The following PPP3CA variants were observed in gnomAD, a reference collection of about 807,000 sequenced individuals.
The protein encoded by PPP3CA is CAM-PRP catalytic subunit.
In PPP3CA, 14 loss-of-function variants were observed where a neutral mutation model predicts 66.5. The observed-to-expected ratio is 0.21, with a 90% CI of 0.14 to 0.33. The LOEUF is 0.33. Ranked by LOEUF, PPP3CA falls within the 10% of genes least tolerant of loss-of-function variation. The pLI, the probability that PPP3CA is intolerant of heterozygous loss-of-function variation, is 1.00. For synonymous variants in PPP3CA, 232 were observed against 226.2 expected, an observed-to-expected ratio of 1.03 and a Z score of -0.23; for missense variants, 317 against 639.5, an observed-to-expected ratio of 0.50 and a Z score of 5.44.
intron 2 of PPP3CA, among the ~76,000 whole-genome samples, chr4:101,143,282 C>T (rs1722867363): frequency 6.6e-6 from 1 of 152,236 alleles, no homozygotes; most frequent in Admixed American, 6.5e-5. Flanking sequence ...GGATCACACT[C>T]CATCATCAAT....
intron 2 of PPP3CA, among the ~76,000 whole-genome samples, chr4:101,139,436 C>T (rs1213634530): frequency 6.6e-6 from 1 of 151,714 alleles, no homozygotes; most frequent in Non-Finnish European, 1.5e-5. Flanking sequence ...TTAACTCCTA[C>T]TAATGTTCAT....
chr4:101,336,400 T>G (rs1039397755), intron 1 of PPP3CA, among the ~76,000 whole-genome samples: 3 of 148,994 alleles, frequency 2.0e-5, no homozygotes, highest in Non-Finnish European at 4.5e-5. Flanking sequence ...GTGAAACCCA[T>G]CTCTACTAAA....
intron 1 of PPP3CA, among the ~76,000 whole-genome samples, chr4:101,256,146 C>T (rs1197066413): frequency 6.6e-6 from 1 of 151,816 alleles, no homozygotes; most frequent in Non-Finnish European, 1.5e-5. Flanking sequence ...CAAAACGTAA[C>T]AAAGGTACAT....
chr4:101,105,866 T>C (rs1479618929), intron 3 of PPP3CA, among the ~76,000 whole-genome samples: 1 of 152,160 alleles, frequency 6.6e-6, no homozygotes, highest in African/African-American at 2.4e-5. Flanking sequence ...CACTCCAACA[T>C]GATAGTCTTG....
intron 1 of PPP3CA, among the ~76,000 whole-genome samples, chr4:101,257,130 G>C (rs1726869719): frequency 6.6e-6 from 1 of 151,922 alleles, no homozygotes; most frequent in Non-Finnish European, 1.5e-5. Flanking sequence ...TAAGCTCCAA[G>C]TTAATTTTCC....
At chr4:101,109,150 T>C in intron 2 of PPP3CA, 72 bp from the exon 3 acceptor site, 1 of 1,437,564 alleles carries the variant, frequency 7.0e-7, no homozygotes, top group Non-Finnish European at 9.5e-7. Context: ...AATTACAAAA[T>C]TTTAGAACCA....
chr4:101,297,570 G>A (rs1029957132), intron 1 of PPP3CA, among the ~76,000 whole-genome samples: 1 of 152,188 alleles, frequency 6.6e-6, no homozygotes, highest in Non-Finnish European at 1.5e-5. Flanking sequence ...ATGTCAGGAA[G>A]AGGAACCCAC....
At chr4:101,181,529 T>C (rs956013194) in intron 2 of PPP3CA, among the ~76,000 whole-genome samples, 3 of 152,142 alleles carry the variant, frequency 2.0e-5, no homozygotes, top group South Asian at 2.1e-4. Context: ...TCCTCTGTTA[T>C]GCGAATAGTT....
rs1309266593 is a variant in PPP3CA at position 101,106,446 on chromosome 4, AAAG to A, written c.384+2505_384+2507del. Among the ~76,000 whole-genome samples the A allele has an allele frequency of 3.6e-4, 4 of 11,260 alleles. 1 individual carries two copies. Among genetic ancestry groups the A allele is most frequent in the African/African-American group, 1.6e-3 (4 of 2,488 alleles). 7.4% of individuals were successfully genotyped at this position (11,260 alleles called of 152,430 possible). A position where few individuals can be genotyped will look rare whatever the true frequency, so the allele number is the denominator to read the frequency against. On this transcript the variant is annotated intron_variant, in intron 3 of 13. Transcript: ENST00000394854. Reference sequence around the variant, plus strand: ...GAAAGAAAGAAAGAAAGAAAGAAAGAAAGAAAGAGAAAAGAAAAGAAAAGAAAA... The same window carrying A: ...GAAAGAAAGAAAGAAAGAAAGAAAGAAAAGAGAAAAGAAAAGAAAAGAAAA...
chr4:101,324,146 A>AAGGGAGGG (rs1194244716), intron 1 of PPP3CA, among the ~76,000 whole-genome samples: 13 of 113,700 alleles, frequency 1.1e-4, no homozygotes, highest in African/African-American at 3.4e-4. Context: ...GAAGGGAAGG[A>AAGGGAGGG]AGGGAGGGAG....
At chr4:101,191,840 C>T (rs1268001123) in intron 2 of PPP3CA, among the ~76,000 whole-genome samples, 2 of 152,202 alleles carry the variant, frequency 1.3e-5, no homozygotes, top group East Asian at 3.9e-4. Context: ...CTCCTGGCAA[C>T]TGCCTGACAT....
chr4:101,211,037 G>A (rs1164170078), intron 1 of PPP3CA, among the ~76,000 whole-genome samples: 1 of 152,160 alleles, frequency 6.6e-6, no homozygotes, highest in Non-Finnish European at 1.5e-5. Context: ...TTCTTACGCA[G>A]ATTTACTTCA....
rs1328427827 is a variant in PPP3CA, at chr4:101,195,927, G to A, written c.248C>T (p.Ala83Val). Residue 83 changes from alanine to valine, a missense_variant, in exon 2 of 14, where the codon GCG (alanine) becomes GTG (valine). By Grantham distance (64) the Ala-to-Val change is moderately conservative. Coordinates refer to ENST00000394854, the MANE Select transcript of PPP3CA (RefSeq NM_000944.5). ...TCCTCAGGACTTACCAGTGACTGGC[G>A]CATCAATATCCAGCAAATTTTTTTC... ...RQEKNLLDID[A>V]PVTVCGDIHG... 3 of 1,613,682 alleles carry A rather than the reference G, an allele frequency of 1.9e-6. No homozygotes were observed. Among genetic ancestry groups the A allele is most frequent in the Non-Finnish European group, 2.5e-6 (3 of 1,179,794 alleles).
intron 1 of PPP3CA, among the ~76,000 whole-genome samples, chr4:101,285,599 ATGTGTG>A (rs56681112): frequency 0.1 from 12,585 of 124,330 alleles, 543 homozygotes; most frequent in African/African-American, 0.14. Flanking sequence ...CACTGTGTGT[ATGTGTG>A]TGTGTGTGTG....
At chr4:101,048,806 T>C (rs766777574) in intron 10 of PPP3CA, among the ~76,000 whole-genome samples, 3 of 152,046 alleles carry the variant, frequency 2.0e-5, no homozygotes, top group Non-Finnish European at 4.4e-5. Flanking sequence ...ACAATCTCAG[T>C]ATATATTAAG....
chr4:101,111,596 G>T (rs879595472), intron 2 of PPP3CA, among the ~76,000 whole-genome samples: 4 of 152,056 alleles, frequency 2.6e-5, no homozygotes, highest in Non-Finnish European at 5.9e-5. Flanking sequence ...CATTAGAGGC[G>T]GTGTGGGGTA....
intron 1 of PPP3CA, among the ~76,000 whole-genome samples, chr4:101,205,756 T>C (rs1362981061): frequency 6.6e-6 from 1 of 152,194 alleles, no homozygotes; most frequent in East Asian, 1.9e-4. Flanking sequence ...AGGGTCTTAA[T>C]AAAATGGCAA....
intron 2 of PPP3CA, among the ~76,000 whole-genome samples, chr4:101,189,350 A>C (rs1223512812): frequency 6.6e-6 from 1 of 152,128 alleles, no homozygotes; most frequent in Non-Finnish European, 1.5e-5. Flanking sequence ...ATGTCCTCAG[A>C]TGTTCAACAT....
At chr4:101,062,790 T>C (rs1560583638) in intron 9 of PPP3CA, among the ~76,000 whole-genome samples, 1 of 152,020 alleles carries the variant, frequency 6.6e-6, no homozygotes, top group Non-Finnish European at 1.5e-5. Flanking sequence ...TTAAGCACTA[T>C]CGTACAATAA....
Sources: allele counts gnomAD v4.1 joint callset (sites outside exome capture counted in the v4.1 genomes callset), GRCh38; gene constraint gnomAD v4.1.1; transcripts MANE v1.5; gene names NCBI Gene and HGNC (gene_info 2026-07-23, HGNC 2026-07-21).